NKAIN3: variants seen among roughly 807,000 people sequenced by gnomAD.
The protein encoded by NKAIN3 is sodium/potassium-transporting ATPase subunit beta-1-interacting protein 3.
NKAIN3 carries 25 observed loss-of-function variants against 30.2 expected under a neutral mutation model. The observed-to-expected ratio is 0.83, with a 90% CI of 0.60 to 1.16. The LOEUF (loss-of-function observed/expected upper bound fraction) is 1.16, where lower values mean the gene tolerates loss of function less well. Among genes scored for constraint, NKAIN3 ranks in the 50% most tolerant of loss-of-function variants. NKAIN3 has a pLI of 0.00. For synonymous variants in NKAIN3, 91 were observed against 89.6 expected, an observed-to-expected ratio of 1.02 and a Z score of -0.09; for missense variants, 225 against 254.1, an observed-to-expected ratio of 0.89 and a Z score of 0.78.
rs189941986 is a variant in NKAIN3, at chr8:62,345,969, C to T, written c.54+96842C>T. The stretch of plus-strand genomic sequence containing the variant: ...TTATGTAAGTGAAGCAAGCCAGGCA[C>T]AGAAAGACAAACATCATATAACCTC... On this transcript the variant is annotated intron_variant, in intron 1 of 6. Transcript: ENST00000623646. Among the ~76,000 whole-genome samples, 358 of 152,042 alleles carry T rather than the reference C, an allele frequency of 2.4e-3. 5 individuals are homozygous for T. The highest frequency in any genetic ancestry group is 1.7e-3 in the Non-Finnish European group (117 of 67,964).
chr8:62,584,116 A>G lies in NKAIN3; in HGVS notation c.192+4440A>G, dbSNP rs1222202189. 9.2e-5 allele frequency among the ~76,000 whole-genome samples: 14 copies of G among 152,200 alleles called. No homozygotes were observed. In the South Asian group the frequency reaches 2.9e-3, roughly 31 times the overall value. ...GAGAAGAGTTCTGGAGCAGAAATCC[A>G]TACTGACTTTTCACTGTGAGGGGAA... On this transcript the variant is annotated intron_variant, in intron 2 of 6. Transcript: ENST00000623646.
At chr8:62,407,222 A>G (rs1220882487) in intron 1 of NKAIN3, among the ~76,000 whole-genome samples, 1 of 151,814 alleles carries the variant, frequency 6.6e-6, no homozygotes, top group East Asian at 1.9e-4. Context: ...AGATTTTTCC[A>G]ATATTTTGTG....
At chr8:62,409,328 G>A (rs372339182) in intron 1 of NKAIN3, among the ~76,000 whole-genome samples, 1 of 152,006 alleles carries the variant, frequency 6.6e-6, no homozygotes, top group Non-Finnish European at 1.5e-5. Flanking sequence ...GGGATTACAG[G>A]CATACATCAC....
chr8:62,911,358 G>A (rs1229645606), intron 4 of NKAIN3, among the ~76,000 whole-genome samples: 2 of 152,024 alleles, frequency 1.3e-5, no homozygotes, highest in Non-Finnish European at 2.9e-5. Flanking sequence ...AGTTTGTTGT[G>A]GAGGAATAAT....
At chr8:62,844,122 A>C (rs138918708) in intron 4 of NKAIN3, among the ~76,000 whole-genome samples, 6 of 152,304 alleles carry the variant, frequency 3.9e-5, no homozygotes, top group African/African-American at 1.4e-4. Context: ...AAGCTAAACC[A>C]AGAACTTAAA....
At chr8:62,848,051 T>C (rs967307468) in intron 4 of NKAIN3, among the ~76,000 whole-genome samples, 8 of 152,212 alleles carry the variant, frequency 5.3e-5, no homozygotes, top group African/African-American at 1.9e-4. Flanking sequence ...TCTGCTCTTG[T>C]ACTAGTACAA....
In NKAIN3 at chr8:62,687,130, C is replaced by A. The variant is rs1403176864; in HGVS notation, c.274-59802C>A. On this transcript the variant is annotated intron_variant, in intron 3 of 6. Coordinates refer to ENST00000623646, the MANE Select transcript of NKAIN3 (RefSeq NM_001304533.3). The stretch of plus-strand genomic sequence containing the variant: ...TTTACATAAATTTTCTAATTATTAA[C>A]CAATTTAAAGTGCAAACTCCATCAC... Among the ~76,000 whole-genome samples the A allele has an allele frequency of 3.9e-5, 6 of 152,270 alleles. No homozygotes were observed. In the East Asian group the frequency reaches 1.2e-3, roughly 29 times the overall value.
At chr8:62,319,989 G>C (rs534060999) in intron 1 of NKAIN3, among the ~76,000 whole-genome samples, 188 of 152,180 alleles carry the variant, frequency 1.2e-3, no homozygotes, top group South Asian at 2.1e-3. Flanking sequence ...AGGTCTCTAA[G>C]GACTTGCTTT....
chr8:62,567,735 G>T (rs1809802567), intron 1 of NKAIN3, among the ~76,000 whole-genome samples: 1 of 151,978 alleles, frequency 6.6e-6, no homozygotes, highest in Non-Finnish European at 1.5e-5. Flanking sequence ...CTCCCCTATG[G>T]CCTCCAGAAG....
intron 1 of NKAIN3, among the ~76,000 whole-genome samples, chr8:62,268,722 A>T (rs543140165): frequency 5.7e-4 from 87 of 152,262 alleles, no homozygotes; most frequent in Non-Finnish European, 9.9e-4. Flanking sequence ...GTTTCACCCA[A>T]GGTCACATTG....
Position 62,974,858 on chromosome 8 carries a change from T to C in NKAIN3, c.*9451T>C, listed in dbSNP as rs1350671409. 6.6e-6 allele frequency among the ~76,000 whole-genome samples: 1 copy of C among 152,202 alleles called. No homozygotes were observed. The highest frequency in any genetic ancestry group is 2.4e-5 in the African/African-American group (1 of 41,458). ...CCATCAATACCTAGTTTATTGAGTG[T>C]TTTTAGCATGAAGGAGGGTTGAATT... On this transcript the variant is annotated 3_prime_UTR_variant, in exon 7 of 7. Transcript: ENST00000623646.
chr8:62,848,680 C>T (rs550256060), intron 4 of NKAIN3, among the ~76,000 whole-genome samples: 43 of 152,218 alleles, frequency 2.8e-4, no homozygotes, highest in African/African-American at 9.1e-4. Context: ...GCCTGATTGC[C>T]TGGGCCAGAA....
At chr8:62,806,320 C>G (rs1818279395) in intron 4 of NKAIN3, among the ~76,000 whole-genome samples, 1 of 152,118 alleles carries the variant, frequency 6.6e-6, no homozygotes, top group Admixed American at 6.6e-5. Flanking sequence ...ACCGAAAGGA[C>G]TATAATCCAT....
intron 1 of NKAIN3, chr8:62,383,472 A>G: frequency 2.2e-6 from 1 of 454,694 alleles, no homozygotes; most frequent in South Asian, 1.6e-5. Context: ...TTGTTTCCAG[A>G]ATAGGGCACT....
At chr8:62,698,900 G>A (rs1814246711) in intron 3 of NKAIN3, among the ~76,000 whole-genome samples, 1 of 152,034 alleles carries the variant, frequency 6.6e-6, no homozygotes, top group Non-Finnish European at 1.5e-5. Flanking sequence ...GCACTATTGA[G>A]GTAGCGATTG....
chr8:62,323,099 G>A (rs1814994574), intron 1 of NKAIN3, among the ~76,000 whole-genome samples: 1 of 152,168 alleles, frequency 6.6e-6, no homozygotes, highest in Non-Finnish European at 1.5e-5. Flanking sequence ...AATGGTAGAG[G>A]CATTTTGGAA....
chr8:62,614,163 G>T (rs538785493), intron 3 of NKAIN3, among the ~76,000 whole-genome samples: 3 of 152,134 alleles, frequency 2.0e-5, no homozygotes, highest in African/African-American at 7.2e-5. Flanking sequence ...CATTCTTCTT[G>T]GGGAGGCTTT....
At chr8:62,905,094 C>A (rs1046802807) in intron 4 of NKAIN3, among the ~76,000 whole-genome samples, 2 of 152,034 alleles carry the variant, frequency 1.3e-5, no homozygotes, top group African/African-American at 2.4e-5. Flanking sequence ...GAACAAAGTG[C>A]AGAGACTGTT....
intron 1 of NKAIN3, among the ~76,000 whole-genome samples, chr8:62,487,405 A>G (rs1806936501): frequency 6.6e-6 from 1 of 152,186 alleles, no homozygotes. Context: ...AATAAATATT[A>G]CCCACGGAGA....
Sources: gnomAD v4.1 joint callset for allele counts (sites outside exome capture counted in the v4.1 genomes callset) on GRCh38, gnomAD v4.1.1 for gene constraint, MANE v1.5 for transcripts, NCBI Gene and HGNC (gene_info 2026-07-23, HGNC 2026-07-21) for gene names.